DNAH2: variants seen among roughly 807,000 people sequenced by gnomAD.
The protein encoded by DNAH2 is dynein axonemal heavy chain 2, also known as axonemal beta dynein heavy chain 2.
In DNAH2, 323 loss-of-function variants were observed where a neutral mutation model predicts 523.5. That is an observed-to-expected ratio of 0.62 (90% confidence interval 0.56 to 0.68). The LOEUF (loss-of-function observed/expected upper bound fraction) is 0.68. Among genes scored for constraint, DNAH2 ranks in the 30% least tolerant of loss-of-function variants. DNAH2 has a pLI of 0.00. For missense variants in DNAH2, 4,907 were observed against 5,701.5 expected (o/e 0.86, Z 4.49); for synonymous variants, 2,093 against 2,177.4 (o/e 0.96, Z 1.08).
rs1203797175 is a variant in DNAH2, at chr17:7,821,828, A to G, written c.11142+459A>G. Among the ~76,000 whole-genome samples the G allele has an allele frequency of 6.6e-6, 1 of 151,878 alleles. No individual in the cohort carries two copies. Among genetic ancestry groups the G allele is most frequent in the Non-Finnish European group, 1.5e-5 (1 of 67,984 alleles). On this transcript the variant is annotated intron_variant, in intron 73 of 85. Coordinates refer to ENST00000572933, the MANE Select transcript of DNAH2 (RefSeq NM_020877.5). The surrounding 1 kb of genome is among the most constrained non-coding windows in gnomAD (Gnocchi z 5.0). ...CATGGCCGGAGAAGAACACATCCACACCGACTGGACGCGCTTTAAGTCCAT... is the reference window on the plus strand; with the variant it reads ...CATGGCCGGAGAAGAACACATCCACGCCGACTGGACGCGCTTTAAGTCCAT...
chr17:7,723,727 C>G (rs769442577), intron 3 of DNAH2, 38 bp downstream of exon 3: 1 of 1,575,144 alleles, frequency 6.3e-7, no homozygotes, highest in Non-Finnish European at 8.7e-7. Context: ...TATTCCTCCC[C>G]CAAAACTGGT....
chr17:7,816,053 G>T (rs2077656935), intron 63 of DNAH2, among the ~76,000 whole-genome samples: 1 of 152,206 alleles, frequency 6.6e-6, no homozygotes, highest in Non-Finnish European at 1.5e-5. Context: ...TTCTGCCTTG[G>T]CTTGCCAAAG....
chr17:7,775,851 A>T (rs1248965678), intron 30 of DNAH2, among the ~76,000 whole-genome samples, 173 bp from the exon 31 acceptor site: 1 of 152,176 alleles, frequency 6.6e-6, no homozygotes, highest in East Asian at 1.9e-4. Context: ...TGAAAGTCAG[A>T]TCATCTGCCT....
Position 7,792,348 on chromosome 17 carries a change from G to T in DNAH2, c.7145+5G>T, listed in dbSNP as rs769378569. Reference sequence around the variant, plus strand: ...GAGTTGGCGCTACCCTCCAAAGTAAGAGCTGGGCCTGGGTGTGAGGAGGGC... The same window carrying T: ...GAGTTGGCGCTACCCTCCAAAGTAATAGCTGGGCCTGGGTGTGAGGAGGGC... On this transcript the variant is annotated splice_donor_5th_base_variant and intron_variant, in intron 46 of 85. Coordinates refer to ENST00000572933, the MANE Select transcript of DNAH2 (RefSeq NM_020877.5). The T allele has an allele frequency of 6.2e-7, 1 of 1,614,026 alleles. No individual in the cohort carries two copies. The highest frequency in any genetic ancestry group is 8.5e-7 in the Non-Finnish European group (1 of 1,179,970).
chr17:7,825,601 C>T (rs2077996792), intron 77 of DNAH2, among the ~76,000 whole-genome samples: 1 of 152,224 alleles, frequency 6.6e-6, no homozygotes, highest in Non-Finnish European at 1.5e-5. Context: ...GATTGCAATA[C>T]TTACTCCTTA....
At position 7,792,244 on chromosome 17, in the gene DNAH2, C is replaced by T. The variant is rs777720074; in HGVS notation, c.7054-8C>T. The T allele has an allele frequency of 5.6e-6, 9 of 1,613,524 alleles. No individual in the cohort carries two copies. In the African/African-American group the frequency reaches 9.4e-5, roughly 17 times the overall value. The stretch of plus-strand genomic sequence containing the variant: ...GCTTTGGTAACCTGACCTACATGCC[C>T]TCCTTAGGACACGGTATATGAGTAT... On this transcript the variant is annotated splice_region_variant and splice_polypyrimidine_tract_variant and intron_variant, in intron 45 of 85. Transcript: ENST00000572933.
At chr17:7,724,346 C>T (rs1250554778) in intron 3 of DNAH2, among the ~76,000 whole-genome samples, 1 of 152,150 alleles carries the variant, frequency 6.6e-6, no homozygotes, top group Non-Finnish European at 1.5e-5. Flanking sequence ...TCTGGCCAGA[C>T]ACGGTGGCTC....
rs995724019 is a variant in DNAH2 at position 7,786,046 on chromosome 17, T to C, written c.6130-78T>C. ...TTTAACAGTTTGAACGTATTCTCTC[T>C]GGCACCGGGGAGATTTTGAAAGCCC... is the stretch of plus-strand genomic sequence containing the variant. On this transcript the variant is annotated intron_variant, in intron 39 of 85. Transcript: ENST00000572933. This position sits in a 1 kb window ranked among gnomAD's most constrained non-coding sequence, Gnocchi z 7.5. 2 of 1,476,018 alleles carry C rather than the reference T, an allele frequency of 1.4e-6. No homozygotes were observed. The highest frequency in any genetic ancestry group is 4.5e-5 in the East Asian group (2 of 44,122). The allele number at this position is 1,476,018 out of a possible 1,614,324, so 91.4% of individuals were successfully genotyped here.
At chr17:7,770,069 C>T (rs1353749339) in intron 24 of DNAH2, among the ~76,000 whole-genome samples, 183 bp from the exon 25 acceptor site, 1 of 152,216 alleles carries the variant, frequency 6.6e-6, no homozygotes, top group African/African-American at 2.4e-5. Context: ...GAATCCACTC[C>T]TGGAGGGTTT....
In DNAH2 at chr17:7,818,691, G is replaced by A. The variant is rs200302809; in HGVS notation, c.10585G>A (p.Glu3529Lys). 1.0e-4 allele frequency: 161 copies of A among 1,614,084 alleles called. No homozygotes were observed. Among genetic ancestry groups the A allele is most frequent in the Non-Finnish European group, 1.3e-4 (151 of 1,180,016 alleles). ...CATTGTGGTGCGGAAGGAGCGGCCTGAGCTGGAGGAGCAGAAGGACTCACT... is the reference window on the plus strand; with the variant it reads ...CATTGTGGTGCGGAAGGAGCGGCCTAAGCTGGAGGAGCAGAAGGACTCACT... Reference protein sequence around the residue: ...LGIVVRKERPELEEQKDSLVI... With the variant: ...LGIVVRKERPKLEEQKDSLVI... The change falls in exon 70 of 86, where the codon GAG (glutamate) becomes AAG (lysine). Residue 3529 changes from glutamate to lysine, a missense_variant. Glu to Lys is a moderately conservative substitution (Grantham distance 56). Coordinates refer to ENST00000572933, the MANE Select transcript of DNAH2 (RefSeq NM_020877.5).
Position 7,767,843 on chromosome 17 carries a change from C to T in DNAH2, c.3676-57C>T, listed in dbSNP as rs184574382. On this transcript the variant is annotated intron_variant, in intron 22 of 85. Transcript: ENST00000572933. The stretch of plus-strand genomic sequence containing the variant: ...GAGAGCAGCGAAGGGCCTGGGCGTC[C>T]GTCAGGGAGGAAGAGGGCAGGTGCC... The T allele has an allele frequency of 6.6e-3, 10,643 of 1,608,070 alleles. 40 individuals are homozygous for T. The highest frequency in any genetic ancestry group is 8.0e-3 in the Non-Finnish European group (9,464 of 1,176,704).
chr17:7,832,279 G>A lies in DNAH2; in HGVS notation c.12727-300G>A, dbSNP rs112314377. Among the ~76,000 whole-genome samples the A allele has an allele frequency of 2.0e-5, 3 of 152,090 alleles. 1 individual carries two copies. The highest frequency in any genetic ancestry group is 7.2e-5 in the African/African-American group (3 of 41,462). ...TCTCAGCACTTTGGGAGGCTGAGGC[G>A]GGCAGATCACCTGAGTTTAGGAGTT... On this transcript the variant is annotated intron_variant, in intron 82 of 85. Transcript: ENST00000572933. The surrounding 1 kb of genome is among the most constrained non-coding windows in gnomAD (Gnocchi z 4.3).
Position 7,797,795 on chromosome 17 carries a change from G to A in DNAH2, c.8196G>A (p.Met2732Ile). 1 of 1,613,778 alleles carries A rather than the reference G, an allele frequency of 6.2e-7. No individual in the cohort carries two copies. The highest frequency in any genetic ancestry group is 2.2e-5 in the East Asian group (1 of 44,870). ...EYNLSPSVVP[M>I]QLVLFREAIE... ...ACCTGTCACCCTCTGTCGTGCCCAT[G>A]CAGCTAGTGCTCTTCCGAGAGGCTA... The change falls in exon 53 of 86, where the codon ATG becomes ATA. Residue 2732 changes from methionine to isoleucine, a missense_variant. Physicochemically the swap from Met to Ile is conservative, Grantham distance 10. Around this residue, in one of 3 missense-constraint regions of DNAH2, gnomAD observed 250 missense variants for 371.3 expected, o/e 0.67. Coordinates refer to ENST00000572933, the MANE Select transcript of DNAH2 (RefSeq NM_020877.5).
rs2075773880 is a variant in DNAH2, at chr17:7,754,286, T to C, written c.1905-2805T>C. 2 of 345,952 alleles carry C rather than the reference T, an allele frequency of 5.8e-6. No individual in the cohort carries two copies. The highest frequency in any genetic ancestry group is 1.0e-5 in the Non-Finnish European group (2 of 192,754). The allele number at this position is 345,952 out of a possible 1,614,324, so 21.4% of individuals were successfully genotyped here. On this transcript the variant is annotated intron_variant, in intron 12 of 85. Coordinates refer to ENST00000572933, the MANE Select transcript of DNAH2 (RefSeq NM_020877.5). This position sits in a 1 kb window ranked among gnomAD's most constrained non-coding sequence, Gnocchi z 4.6. ...GGAAGGAACTAGTAGATTGAAGGTA[T>C]AGGAGAGCTGGAAGAGGGCATCTGA...
At chr17:7,824,768 G>A in intron 77 of DNAH2, 41 bp downstream of exon 77, 2 of 1,424,310 alleles carry the variant, frequency 1.4e-6, no homozygotes, top group Non-Finnish European at 1.9e-6. Flanking sequence ...GGGCCATCTG[G>A]TCCACCTTAC....
Position 7,801,664 on chromosome 17 carries a change from T to A in DNAH2, c.8786T>A (p.Val2929Glu). 6.2e-7 allele frequency: 1 copy of A among 1,614,124 alleles called. No homozygotes were observed. Among genetic ancestry groups the A allele is most frequent in the East Asian group, 2.2e-5 (1 of 44,876 alleles). ...SEWPQEALLE[V>E]AEKCLIGVDL... ...TGGCCCCAAGAGGCCCTGCTCGAGGTGGCTGAGAAGTGCCTCATAGGAGTA... is the reference window on the plus strand; with the variant it reads ...TGGCCCCAAGAGGCCCTGCTCGAGGAGGCTGAGAAGTGCCTCATAGGAGTA... The change falls in exon 57 of 86, where the codon GTG becomes GAG. Residue 2929 changes from valine to glutamate, a missense_variant. By Grantham distance (121) the Val-to-Glu change is moderately radical. Transcript: ENST00000572933.
chr17:7,722,114 T>C (rs1305880943), intron 2 of DNAH2, among the ~76,000 whole-genome samples: 1 of 150,926 alleles, frequency 6.6e-6, no homozygotes, highest in Non-Finnish European at 1.5e-5. Flanking sequence ...TCCTCCTGCC[T>C]CAGCCTCCCG....
Position 7,760,473 on chromosome 17 carries a change from A to T in DNAH2, c.2786-267A>T, listed in dbSNP as rs550172237. Among the ~76,000 whole-genome samples, 1 of 152,180 alleles carries T rather than the reference A, an allele frequency of 6.6e-6. No individual in the cohort carries two copies. Among genetic ancestry groups the T allele is most frequent in the African/African-American group, 2.4e-5 (1 of 41,510 alleles). Reference sequence around the variant, plus strand: ...GTTTTGGGATTTGGGATGGGAGATGAGGAAAGACAAGCTTGGGACTGGGAC... The same window carrying T: ...GTTTTGGGATTTGGGATGGGAGATGTGGAAAGACAAGCTTGGGACTGGGAC... On this transcript the variant is annotated intron_variant, in intron 17 of 85. Coordinates refer to ENST00000572933, the MANE Select transcript of DNAH2 (RefSeq NM_020877.5). The surrounding 1 kb of genome is among the most constrained non-coding windows in gnomAD (Gnocchi z 4.0).
chr17:7,793,564 TTTC>T (rs1371478267), intron 48 of DNAH2, among the ~76,000 whole-genome samples: 1 of 151,684 alleles, frequency 6.6e-6, no homozygotes, highest in African/African-American at 2.4e-5. Context: ...TTTCTCTTTC[TTTC>T]TTTCTTTTTT....
Sources: gnomAD v4.1 joint callset for allele counts (sites outside exome capture counted in the v4.1 genomes callset) on GRCh38, gnomAD v4.1.1 for gene constraint, gnomAD v4.1.1 regional missense constraint, Gnocchi (gnomAD v3.1) non-coding constraint, MANE v1.5 for transcripts, NCBI Gene and HGNC (gene_info 2026-07-23, HGNC 2026-07-21) for gene names.